ENTREP2: variants seen among roughly 807,000 people sequenced by gnomAD.
ENTREP2 encodes protein ENTREP2.
At chr15:29,229,013 C>T in the ENTREP2 span, among the ~76,000 whole-genome samples, 1 of 151,872 alleles carries the variant, frequency 6.6e-6, no homozygotes, top group Non-Finnish European at 1.5e-5. Flanking sequence ...GGTAATACTT[C>T]CGAATAAAGA....
the ENTREP2 span, among the ~76,000 whole-genome samples, chr15:29,658,749 C>A: frequency 6.6e-6 from 1 of 152,232 alleles, no homozygotes; most frequent in Non-Finnish European, 1.5e-5. Flanking sequence ...GTCAACCTTT[C>A]ATCTCTGAAT....
At chr15:29,398,331 G>A in the ENTREP2 span, among the ~76,000 whole-genome samples, 2 of 151,896 alleles carry the variant, frequency 1.3e-5, no homozygotes, top group Non-Finnish European at 2.9e-5. Context: ...ATGAAAAGAT[G>A]GTTCTGCATA....
chr15:29,162,043 C>CA, the ENTREP2 span, among the ~76,000 whole-genome samples: 5 of 152,280 alleles, frequency 3.3e-5, no homozygotes, highest in East Asian at 9.7e-4. Context: ...CACACACGCC[C>CA]ACTGGAGAAA....
chr15:29,402,240 T>G, the ENTREP2 span, among the ~76,000 whole-genome samples: 1 of 112,282 alleles, frequency 8.9e-6, no homozygotes. Context: ...CATTAAATCA[T>G]ATTATAGAAG....
At chr15:29,553,231 G>C in the ENTREP2 span, among the ~76,000 whole-genome samples, 3 of 152,200 alleles carry the variant, frequency 2.0e-5, no homozygotes, top group Non-Finnish European at 4.4e-5. Flanking sequence ...AGGAGGCAGA[G>C]GTTGCAGTGA....
At chr15:29,229,092 G>C in the ENTREP2 span, among the ~76,000 whole-genome samples, 1 of 152,102 alleles carries the variant, frequency 6.6e-6, no homozygotes, top group Non-Finnish European at 1.5e-5. Flanking sequence ...CTGGAAGATG[G>C]TGAAGAAATA....
chr15:29,479,093 G>T, the ENTREP2 span, among the ~76,000 whole-genome samples: 1 of 149,704 alleles, frequency 6.7e-6, no homozygotes, highest in Admixed American at 6.6e-5. Flanking sequence ...TGTAGTCCCA[G>T]CTACTTGGGA....
chr15:29,130,094 C>T, the ENTREP2 span, among the ~76,000 whole-genome samples: 4 of 152,116 alleles, frequency 2.6e-5, no homozygotes, highest in Non-Finnish European at 5.9e-5. Flanking sequence ...GACACCAGGG[C>T]GGGGGCTGGG....
the ENTREP2 span, among the ~76,000 whole-genome samples, chr15:29,194,742 CT>C: frequency 9.9e-5 from 15 of 152,162 alleles, no homozygotes; most frequent in Non-Finnish European, 1.8e-4. Context: ...CCAGCATTAC[CT>C]TTCAAGCCAC....
At chr15:29,155,969 A>G in the ENTREP2 span, among the ~76,000 whole-genome samples, 1 of 152,112 alleles carries the variant, frequency 6.6e-6, no homozygotes, top group African/African-American at 2.4e-5. Context: ...AGGCATCTCC[A>G]CTGCCCTCCC....
chr15:29,185,261 C>G, the ENTREP2 span, among the ~76,000 whole-genome samples: 12 of 152,108 alleles, frequency 7.9e-5, no homozygotes, highest in African/African-American at 2.4e-4. Flanking sequence ...CCCTGCTCAG[C>G]TTCCTGGAAC....
At chr15:29,377,109 A>C in the ENTREP2 span, among the ~76,000 whole-genome samples, 1 of 149,592 alleles carries the variant, frequency 6.7e-6, no homozygotes, top group South Asian at 2.1e-4. Flanking sequence ...TTTAGTTGAC[A>C]CCTCCAGGAA....
the ENTREP2 span, chr15:29,196,431 T>C: frequency 6.4e-7 from 1 of 1,551,062 alleles, no homozygotes; most frequent in Non-Finnish European, 8.7e-7. Context: ...CGGGGTCACC[T>C]TCAAGGTCAG....
At chr15:29,600,267 G>A in the ENTREP2 span, among the ~76,000 whole-genome samples, 2 of 152,156 alleles carry the variant, frequency 1.3e-5, no homozygotes, top group African/African-American at 4.8e-5. Flanking sequence ...GAGTCAAGTA[G>A]TCTGCCTTAC....
At chr15:29,173,028 C>G in the ENTREP2 span, among the ~76,000 whole-genome samples, 2 of 152,176 alleles carry the variant, frequency 1.3e-5, no homozygotes, top group South Asian at 4.1e-4. Context: ...CTCATTTCCA[C>G]GGAGGCTGTC....
At chr15:29,149,841 A>T in the ENTREP2 span, among the ~76,000 whole-genome samples, 1 of 152,124 alleles carries the variant, frequency 6.6e-6, no homozygotes, top group Non-Finnish European at 1.5e-5. Flanking sequence ...CTCCCGCGGT[A>T]CCCGTCACAG....
At chr15:29,239,187 T>C in the ENTREP2 span, among the ~76,000 whole-genome samples, 3 of 152,076 alleles carry the variant, frequency 2.0e-5, no homozygotes. Context: ...GAAATAAGGA[T>C]AAGGTGAAAA....
chr15:29,135,991 A>G, the ENTREP2 span, among the ~76,000 whole-genome samples: 1 of 152,126 alleles, frequency 6.6e-6, no homozygotes, highest in Non-Finnish European at 1.5e-5. The surrounding 1 kb of genome is among the most constrained non-coding windows in gnomAD (Gnocchi z 7.4). Context: ...CCTGGATCCC[A>G]GACCACCTAC....
the ENTREP2 span, among the ~76,000 whole-genome samples, chr15:29,140,111 T>C: frequency 2.6e-5 from 4 of 152,196 alleles, no homozygotes; most frequent in Non-Finnish European, 5.9e-5. Flanking sequence ...TCCGCACTTA[T>C]TCCACTCTCT....
Sources: gnomAD v4.1 joint callset for allele counts (sites outside exome capture counted in the v4.1 genomes callset) on GRCh38, gnomAD v4.1.1 for gene constraint, Gnocchi (gnomAD v3.1) non-coding constraint, MANE v1.5 for transcripts, NCBI Gene and HGNC (gene_info 2026-07-23, HGNC 2026-07-21) for gene names.